Variants in MPRIP observed in about 807,000 individuals in gnomAD.
MPRIP encodes the protein myosin phosphatase Rho-interacting protein.
MPRIP carries 59 observed loss-of-function variants against 234.9 expected under a neutral mutation model. The observed-to-expected ratio is 0.25, with a 90% confidence interval of 0.20 to 0.31. The LOEUF (loss-of-function observed/expected upper bound fraction) is 0.31, where lower values mean the gene tolerates loss of function less well. MPRIP is among the 10% of genes least tolerant of loss of function. The pLI is 1.00. For synonymous variants in MPRIP, 1,144 were observed against 1,263.9 expected (o/e 0.91, Z 2.01); for missense variants, 2,436 against 3,071.0 (o/e 0.79, Z 4.89).
At chr17:17,168,325 C>T (rs918351483) in intron 16 of MPRIP, 1 of 251,448 alleles carries the variant, frequency 4.0e-6, no homozygotes, top group Non-Finnish European at 7.9e-6. Context: ...TGCCTGAGGA[C>T]AGCCTTGTAC....
At position 17,165,083 on chromosome 17, in the gene MPRIP, A is replaced by G; in HGVS notation, c.3492A>G (p.Arg1164=). Reference sequence around the variant, plus strand: ...TGCAGAGCATGCACACTCTGCTGAGAGAGAAGGAGGAAGAGCTGGAGCGCA... The same window carrying G: ...TGCAGAGCATGCACACTCTGCTGAGGGAGAAGGAGGAAGAGCTGGAGCGCA... The part of the protein sequence containing the change: ...SQLQSMHTLL[R]EKEEELERIK... Residue 1164 remains arginine (R), a synonymous_variant, in exon 16 of 24, where the codon AGA becomes AGG. Coordinates refer to ENST00000651222, the MANE Select transcript of MPRIP (RefSeq NM_001364716.4). 1 of 1,303,550 alleles carries G rather than the reference A, an allele frequency of 7.7e-7. No individual in the cohort carries two copies. Among genetic ancestry groups the G allele is most frequent in the Non-Finnish European group, 1.0e-6 (1 of 988,964 alleles). 80.7% of individuals were successfully genotyped at this position (1,303,550 alleles called of 1,614,324 possible).
At chr17:17,122,722 G>A (rs2090415794) in intron 3 of MPRIP, among the ~76,000 whole-genome samples, 1 of 152,230 alleles carries the variant, frequency 6.6e-6, no homozygotes, top group South Asian at 2.1e-4. Flanking sequence ...CTGGTTAGAA[G>A]CAGTACATAA....
At chr17:17,058,134 C>T (rs139539093) in intron 1 of MPRIP, among the ~76,000 whole-genome samples, 135 of 152,272 alleles carry the variant, frequency 8.9e-4, no homozygotes, top group African/African-American at 3.1e-3. Context: ...CTAGGGAACA[C>T]GGACAGAAGC....
intron 22 of MPRIP, among the ~76,000 whole-genome samples, chr17:17,178,989 T>A (rs1005666334): frequency 6.6e-6 from 1 of 151,986 alleles, no homozygotes; most frequent in Non-Finnish European, 1.5e-5. Flanking sequence ...CACTGCATTC[T>A]AGTCTGGGCA....
Position 17,184,953 on chromosome 17 carries a change from C to G in MPRIP, c.*59C>G. On this transcript the variant is annotated 3_prime_UTR_variant, in exon 24 of 24. Transcript: ENST00000651222. ...CCAGCTTGCAGCAGCACACCCCAAG[C>G]GCTGCTTTTCACCTGTACCTTTGTT... 2 of 1,097,360 alleles carry G rather than the reference C, an allele frequency of 1.8e-6. No homozygotes were observed. The highest frequency in any genetic ancestry group is 2.8e-6 in the Non-Finnish European group (2 of 712,942). 68.0% of individuals were successfully genotyped at this position (1,097,360 alleles called of 1,614,324 possible). A position where few individuals can be genotyped will look rare whatever the true frequency, so the allele number is the denominator to read the frequency against.
intron 13 of MPRIP, among the ~76,000 whole-genome samples, chr17:17,155,505 A>T (rs2144580698): frequency 6.6e-6 from 1 of 152,266 alleles, no homozygotes; most frequent in East Asian, 1.9e-4. Context: ...TGGCCTCCCA[A>T]AGTGCTGAAA....
chr17:17,051,842 GT>G (rs2088551643), intron 1 of MPRIP, among the ~76,000 whole-genome samples: 1 of 152,222 alleles, frequency 6.6e-6, no homozygotes, highest in Non-Finnish European at 1.5e-5. Flanking sequence ...CCACAGCCTG[GT>G]TTTTGCCTGG....
At chr17:17,054,877 C>T (rs922803747) in intron 1 of MPRIP, among the ~76,000 whole-genome samples, 13 of 151,940 alleles carry the variant, frequency 8.6e-5, no homozygotes, top group African/African-American at 2.9e-4. Flanking sequence ...CAGGGAAACC[C>T]TGTCTCTACA....
chr17:17,102,992 T>G (rs2089994069), intron 3 of MPRIP, among the ~76,000 whole-genome samples: 1 of 152,226 alleles, frequency 6.6e-6, no homozygotes, highest in South Asian at 2.1e-4. Flanking sequence ...GCAGGCCTCA[T>G]GTACTTTGAC....
At chr17:17,146,160 C>T (rs1016887133) in intron 10 of MPRIP, 68 bp downstream of exon 10, 6 of 1,446,072 alleles carry the variant, frequency 4.1e-6, no homozygotes, top group Non-Finnish European at 5.8e-6. Context: ...CTGTCCTTGT[C>T]CCCAGCCAGT....
rs879299997 is a variant in MPRIP at position 17,185,421 on chromosome 17, A to T, written c.*527A>T. 4.5e-6 allele frequency: 2 copies of T among 440,776 alleles called. No individual in the cohort carries two copies. The highest frequency in any genetic ancestry group is 4.0e-5 in the African/African-American group (2 of 49,580). 27.3% of individuals were successfully genotyped at this position (440,776 alleles called of 1,614,324 possible). A position where few individuals can be genotyped will look rare whatever the true frequency, so the allele number is the denominator to read the frequency against. ...GTGCACTGCCTTCCAGCCCAGGAGG[A>T]GGACAGCATTTTGTATTTGTTCCAC... is the stretch of plus-strand genomic sequence containing the variant. On this transcript the variant is annotated 3_prime_UTR_variant, in exon 24 of 24. Transcript: ENST00000651222.
intron 3 of MPRIP, among the ~76,000 whole-genome samples, chr17:17,099,704 GAGAC>G (rs1283258700): frequency 3.9e-5 from 6 of 152,138 alleles, no homozygotes; most frequent in Non-Finnish European, 8.8e-5. Context: ...TCTAGCCTGG[GAGAC>G]AGACAGGGAG....
intron 1 of MPRIP, among the ~76,000 whole-genome samples, chr17:17,045,033 C>T (rs1041575980): frequency 7.9e-5 from 12 of 152,090 alleles, no homozygotes; most frequent in South Asian, 2.1e-4. Flanking sequence ...TGCATCCGGC[C>T]CTCCCTCTCA....
At chr17:17,120,972 C>G (rs2090377731) in intron 3 of MPRIP, among the ~76,000 whole-genome samples, 1 of 152,136 alleles carries the variant, frequency 6.6e-6, no homozygotes, top group South Asian at 2.1e-4. Flanking sequence ...CTGAGGGGCT[C>G]CCTGGAGCCA....
rs1421248661 is a variant in MPRIP, at chr17:17,129,503, A to G, written c.420-2114A>G. On this transcript the variant is annotated intron_variant, in intron 4 of 23. Transcript: ENST00000651222. ...TCCATCATCTATTCCTGGACCCTGCATCTCTGCGACTCCAGCCACAGACTG... is the reference window on the plus strand; with the variant it reads ...TCCATCATCTATTCCTGGACCCTGCGTCTCTGCGACTCCAGCCACAGACTG... Among the ~76,000 whole-genome samples the G allele has an allele frequency of 2.6e-5, 4 of 152,308 alleles. No homozygotes were observed. The South Asian group carries it at 8.3e-4, about 32-fold the overall frequency.
chr17:17,059,670 G>A lies in MPRIP; in HGVS notation c.124-16040G>A, dbSNP rs189315682. On this transcript the variant is annotated intron_variant, in intron 1 of 23. Transcript: ENST00000651222. ...TTCCTTTCCCTTTGCACCACCTTTC[G>A]TGTCTTCGTCTCCTTGTTGGTATTC... Among the ~76,000 whole-genome samples, 556 of 152,250 alleles carry A rather than the reference G, an allele frequency of 3.7e-3. 1 individual carries two copies. The highest frequency in any genetic ancestry group is 4.2e-3 in the Non-Finnish European group (286 of 68,024).
intron 3 of MPRIP, among the ~76,000 whole-genome samples, chr17:17,110,771 A>G (rs2144279191): frequency 6.6e-6 from 1 of 152,336 alleles, no homozygotes; most frequent in South Asian, 2.1e-4. Flanking sequence ...GGTGCAGTCT[A>G]CAACACACCT....
chr17:17,160,923 C>T (rs922522067), intron 14 of MPRIP, among the ~76,000 whole-genome samples: 3 of 152,212 alleles, frequency 2.0e-5, no homozygotes, highest in Admixed American at 1.3e-4. Context: ...GGCCTTGGCA[C>T]CTATATAGGG....
intron 9 of MPRIP, 49 bp from the exon 10 acceptor site, chr17:17,145,987 G>T (rs369448276): frequency 6.4e-7 from 1 of 1,568,870 alleles, no homozygotes; most frequent in African/African-American, 1.4e-5. Context: ...AGACACTCAT[G>T]ACACTAGAAG....
Sources: gnomAD v4.1 joint callset for allele counts (sites outside exome capture counted in the v4.1 genomes callset) on GRCh38, gnomAD v4.1.1 for gene constraint, MANE v1.5 for transcripts, NCBI Gene and HGNC (gene_info 2026-07-23, HGNC 2026-07-21) for gene names.